NTM: variants seen among roughly 807,000 people sequenced by gnomAD.
The protein encoded by NTM is neurotrimin.
NTM carries 13 observed loss-of-function variants against 42.1 expected under a neutral mutation model. That is an observed-to-expected ratio of 0.31 (90% CI 0.20 to 0.49). The LOEUF (loss-of-function observed/expected upper bound fraction) is 0.49, where lower values mean the gene tolerates loss of function less well. NTM is among the 20% of genes least tolerant of loss of function. The pLI, the probability that NTM is intolerant of heterozygous loss-of-function variation, is 0.99. For synonymous variants in NTM, 187 were observed against 179.2 expected (o/e 1.04, Z -0.35); for missense variants, 373 against 452.8 (o/e 0.82, Z 1.60).
chr11:132,290,820 C>T (rs1486541467), intron 4 of NTM, among the ~76,000 whole-genome samples: 2 of 152,102 alleles, frequency 1.3e-5, no homozygotes, highest in Non-Finnish European at 2.9e-5. Context: ...GCAGAGGTTA[C>T]AGAAGGATTC....
intron 1 of NTM, among the ~76,000 whole-genome samples, chr11:131,815,120 T>A (rs537232278): frequency 2.0e-4 from 31 of 152,244 alleles, no homozygotes; most frequent in African/African-American, 7.2e-4. Flanking sequence ...AGGATCAAGC[T>A]CGAACTCCTC....
intron 1 of NTM, among the ~76,000 whole-genome samples, chr11:131,436,265 T>C (rs1949123674): frequency 6.6e-6 from 1 of 152,198 alleles, no homozygotes; most frequent in South Asian, 2.1e-4. Context: ...TTGTTGCGTC[T>C]CTGCCAGGCT....
At chr11:131,669,714 G>C (rs1421247543) in intron 1 of NTM, among the ~76,000 whole-genome samples, 3 of 152,132 alleles carry the variant, frequency 2.0e-5, no homozygotes, top group African/African-American at 7.2e-5. Flanking sequence ...AGGCAGCAGG[G>C]GAAAGACAGG....
intron 1 of NTM, among the ~76,000 whole-genome samples, chr11:131,730,988 T>G (rs1387317328): frequency 6.6e-6 from 1 of 152,214 alleles, no homozygotes; most frequent in Non-Finnish European, 1.5e-5. Context: ...AATGCTTCAG[T>G]GCATAGAACT....
rs181944287 is a variant in NTM, at chr11:132,077,458, C to T, written c.168-68824C>T. ...ATACCAGCAGCTGTCTTTTGCTGAG[C>T]CCTTAGAAGCCAGGAACTGGGAAGT... On this transcript the variant is annotated intron_variant, in intron 2 of 8. Transcript: ENST00000683400. Among the ~76,000 whole-genome samples, 57 of 152,270 alleles carry T rather than the reference C, an allele frequency of 3.7e-4. No homozygotes were observed. The East Asian group carries it at 0.011, about 29-fold the overall frequency.
chr11:131,868,525 CA>C (rs2047450623), intron 1 of NTM, among the ~76,000 whole-genome samples: 1 of 152,188 alleles, frequency 6.6e-6, no homozygotes, highest in Non-Finnish European at 1.5e-5. Context: ...GCTGCAGAAT[CA>C]AACCCGGCTG....
intron 3 of NTM, among the ~76,000 whole-genome samples, chr11:132,189,860 A>G (rs949462258): frequency 2.0e-5 from 3 of 152,240 alleles, no homozygotes; most frequent in Non-Finnish European, 4.4e-5. Flanking sequence ...TGCTCCTACT[A>G]TTCGCAAGAA....
chr11:131,819,366 T>C (rs1476252693), intron 1 of NTM, among the ~76,000 whole-genome samples: 1 of 152,180 alleles, frequency 6.6e-6, no homozygotes, highest in Non-Finnish European at 1.5e-5. Flanking sequence ...TTTTAAAAGA[T>C]GCCCTAGATG....
At chr11:132,183,506 G>A (rs2077900334) in intron 3 of NTM, among the ~76,000 whole-genome samples, 1 of 152,006 alleles carries the variant, frequency 6.6e-6, no homozygotes, top group Admixed American at 6.5e-5. Context: ...ATAGTTATGA[G>A]ACTCTGGAGC....
chr11:131,951,272 A>G (rs776798518), intron 2 of NTM, among the ~76,000 whole-genome samples: 5 of 152,144 alleles, frequency 3.3e-5, no homozygotes, highest in African/African-American at 7.2e-5. Flanking sequence ...TGAAATAGAC[A>G]ATGGCCTTGA....
chr11:132,072,810 G>A (rs955401109), intron 2 of NTM, among the ~76,000 whole-genome samples: 2 of 152,282 alleles, frequency 1.3e-5, no homozygotes, highest in Admixed American at 1.3e-4. Context: ...TTTTACGGTT[G>A]TGATTCCTCC....
chr11:132,230,940 G>T (rs1302556056), intron 4 of NTM, among the ~76,000 whole-genome samples: 1 of 152,202 alleles, frequency 6.6e-6, no homozygotes, highest in Non-Finnish European at 1.5e-5. Flanking sequence ...TGAGGCCAGG[G>T]GGTCGAGGCT....
intron 1 of NTM, among the ~76,000 whole-genome samples, chr11:131,743,596 G>A (rs930037332): frequency 1.3e-5 from 2 of 152,042 alleles, no homozygotes; most frequent in Admixed American, 1.3e-4. Flanking sequence ...CTAAGTGGTC[G>A]GCCAGAATGA....
intron 2 of NTM, among the ~76,000 whole-genome samples, chr11:132,076,193 C>G (rs1225710707): frequency 6.6e-6 from 1 of 152,026 alleles, no homozygotes; most frequent in Non-Finnish European, 1.5e-5. Context: ...TCTTGTGAAC[C>G]AGGGGTCAGC....
At chr11:131,968,454 A>G (rs546065515) in intron 2 of NTM, among the ~76,000 whole-genome samples, 35 of 152,196 alleles carry the variant, frequency 2.3e-4, no homozygotes, top group Non-Finnish European at 4.6e-4. Context: ...ATTAAGGTTA[A>G]AGAGTGGCAG....
chr11:131,451,002 G>T (rs993710597), intron 1 of NTM, among the ~76,000 whole-genome samples: 2 of 151,996 alleles, frequency 1.3e-5, no homozygotes, highest in African/African-American at 4.8e-5. Context: ...GACAAGTTAT[G>T]CCCATTTCAC....
chr11:132,219,965 A>G (rs2084802685), intron 4 of NTM, among the ~76,000 whole-genome samples: 1 of 152,328 alleles, frequency 6.6e-6, no homozygotes, highest in African/African-American at 2.4e-5. Context: ...CAGCACCACT[A>G]TCATCTCCAC....
At chr11:131,829,833 C>G (rs571473452) in intron 1 of NTM, among the ~76,000 whole-genome samples, 4 of 152,028 alleles carry the variant, frequency 2.6e-5, no homozygotes, top group African/African-American at 9.7e-5. Flanking sequence ...TGCAGCCTTG[C>G]GAGCATCAGT....
chr11:131,576,711 C>T (rs1395961114), intron 1 of NTM, among the ~76,000 whole-genome samples: 2 of 152,172 alleles, frequency 1.3e-5, no homozygotes, highest in African/African-American at 4.8e-5. Flanking sequence ...GGCCAAAGGG[C>T]ATCTGCCTGC....
Sources: allele counts gnomAD v4.1 joint callset (sites outside exome capture counted in the v4.1 genomes callset), GRCh38; gene constraint gnomAD v4.1.1; transcripts MANE v1.5; gene names NCBI Gene and HGNC (gene_info 2026-07-23, HGNC 2026-07-21).